EPB41L3: variants seen among roughly 807,000 people sequenced by gnomAD.
EPB41L3 encodes erythrocyte membrane protein band 4.1 like 3.
In EPB41L3, 57 loss-of-function variants were observed where a neutral mutation model predicts 127.1. The observed-to-expected ratio is 0.45, with a 90% CI of 0.36 to 0.56. EPB41L3 has a LOEUF of 0.56. EPB41L3 is among the 20% of genes least tolerant of loss of function. EPB41L3 has a pLI of 0.00. For synonymous variants in EPB41L3, 572 were observed against 549.5 expected, an observed-to-expected ratio of 1.04 and a Z score of -0.57; for missense variants, 1,273 against 1,372.2, an observed-to-expected ratio of 0.93 and a Z score of 1.14.
At chr18:5,447,318 T>G (rs1049908442) in intron 3 of EPB41L3, among the ~76,000 whole-genome samples, 2 of 152,122 alleles carry the variant, frequency 1.3e-5, no homozygotes, top group African/African-American at 4.8e-5. Flanking sequence ...TAGAGCAGAT[T>G]ATTATGCGTG....
At chr18:5,570,308 A>T (rs952657923) in intron 3 of EPB41L3, 1 of 152,146 alleles carries the variant, frequency 6.6e-6, no homozygotes. Context: ...GCTGTAACAC[A>T]AGGGCTTTAT....
rs1598438253 is a variant in EPB41L3 at position 5,399,061 on chromosome 18, T to G, written c.2350-918A>C. 3 of 399,004 alleles carry G rather than the reference T, an allele frequency of 7.5e-6. No individual in the cohort carries two copies. The East Asian group carries it at 1.1e-4, about 14-fold the overall frequency. The allele number at this position is 399,004 out of a possible 1,614,324, so 24.7% of individuals were successfully genotyped here. On this transcript the variant is annotated intron_variant, in intron 16 of 22. Coordinates refer to ENST00000341928, the MANE Select transcript of EPB41L3 (RefSeq NM_012307.5). Reference sequence around the variant, plus strand: ...ATGGACTCTGGTATTTCTTTCTCCATTTTCTGAAGTGCTTCTGTAGTGGAG... The same window carrying G: ...ATGGACTCTGGTATTTCTTTCTCCAGTTTCTGAAGTGCTTCTGTAGTGGAG...
upstream of EPB41L3, chr18:5,630,480 G>A (rs372878511): frequency 6.0e-5 from 31 of 518,758 alleles, no homozygotes; most frequent in Non-Finnish European, 1.0e-4. Flanking sequence ...GCAGAGAGAG[G>A]TAGGGCTGCT....
upstream of EPB41L3, among the ~76,000 whole-genome samples, chr18:5,545,678 T>A (rs952547073): frequency 4.7e-4 from 71 of 152,074 alleles, no homozygotes; most frequent in Admixed American, 9.8e-4. Flanking sequence ...AAATACCAGG[T>A]TGGTGTTCGG....
chr18:5,473,615 A>G (rs1396469419), intron 3 of EPB41L3, among the ~76,000 whole-genome samples: 1 of 152,014 alleles, frequency 6.6e-6, no homozygotes, highest in African/African-American at 2.4e-5. Flanking sequence ...TCTGCCAAAC[A>G]TGGAAGCAGC....
At chr18:5,528,446 G>A (rs1159130078) in intron 1 of EPB41L3, among the ~76,000 whole-genome samples, 2 of 152,128 alleles carry the variant, frequency 1.3e-5, no homozygotes, top group Non-Finnish European at 2.9e-5. Flanking sequence ...AAAGTGCTGG[G>A]ATTACAGACC....
At chr18:5,579,631 C>A (rs1056400576) in intron 3 of EPB41L3, among the ~76,000 whole-genome samples, 6 of 152,192 alleles carry the variant, frequency 3.9e-5, no homozygotes, top group Non-Finnish European at 5.9e-5. Flanking sequence ...CAAAGCCATA[C>A]AAGTTACTCC....
At chr18:5,505,651 A>C (rs957768404) in intron 1 of EPB41L3, among the ~76,000 whole-genome samples, 1,687 of 16,632 alleles carry the variant, frequency 0.1, no homozygotes, top group Non-Finnish European at 0.11. Flanking sequence ...CACCCCTACC[A>C]TCCACACCTT....
At chr18:5,498,594 CAAA>C (rs397828412) in intron 1 of EPB41L3, among the ~76,000 whole-genome samples, 2 of 70,498 alleles carry the variant, frequency 2.8e-5, no homozygotes, top group African/African-American at 1.2e-4. Flanking sequence ...GACTCCATCT[CAAA>C]AAAAAAAAAA....
At chr18:5,407,263 A>C in intron 15 of EPB41L3, 1 of 415,208 alleles carries the variant, frequency 2.4e-6, no homozygotes, top group Non-Finnish European at 4.3e-6. Context: ...ATAAATATAC[A>C]CACAGGAAAA....
chr18:5,517,404 C>T (rs1343430769), intron 1 of EPB41L3, among the ~76,000 whole-genome samples: 1 of 152,006 alleles, frequency 6.6e-6, no homozygotes, highest in African/African-American at 2.4e-5. Context: ...TATACAACCC[C>T]TCCCCTTAAA....
intron 1 of EPB41L3, among the ~76,000 whole-genome samples, chr18:5,524,301 C>A (rs1388084133): frequency 1.3e-5 from 2 of 152,122 alleles, no homozygotes; most frequent in East Asian, 1.9e-4. Context: ...TTAACCAAGT[C>A]TCCCGCCGCA....
intron 13 of EPB41L3, among the ~76,000 whole-genome samples, chr18:5,414,864 C>T (rs568068218): frequency 6.6e-6 from 1 of 152,304 alleles, no homozygotes; most frequent in African/African-American, 2.4e-5. Flanking sequence ...TGTCAGCTCG[C>T]CCAATTGCTC....
intron 18 of EPB41L3, among the ~76,000 whole-genome samples, chr18:5,396,620 A>T (rs1278049539): frequency 6.6e-6 from 1 of 152,108 alleles, no homozygotes; most frequent in Non-Finnish European, 1.5e-5. Flanking sequence ...TGAGACATTA[A>T]CTCCCCAAAT....
chr18:5,542,109 C>T (rs1209441845), intron 1 of EPB41L3, among the ~76,000 whole-genome samples: 1 of 152,198 alleles, frequency 6.6e-6, no homozygotes, highest in African/African-American at 2.4e-5. Context: ...GTTACTCCAA[C>T]TAAAGTTTTT....
At chr18:5,536,650 A>C (rs1245750091) in intron 1 of EPB41L3, among the ~76,000 whole-genome samples, 7 of 123,508 alleles carry the variant, frequency 5.7e-5, no homozygotes, top group Non-Finnish European at 9.4e-5. Flanking sequence ...CTAAAAATTC[A>C]AAAAAAAAAA....
rs2073138046 is a variant in EPB41L3, at chr18:5,395,100, G to A, written c.3120C>T (p.Val1040=). The A allele has an allele frequency of 1.2e-6, 2 of 1,614,000 alleles. No individual in the cohort carries two copies. The highest frequency in any genetic ancestry group is 1.7e-6 in the Non-Finnish European group (2 of 1,180,026). ...GGTCAATGTCTGCATCCCCCGTGAT[G>A]ACTATTCGCTTCTCAATTCTTGTCT... The part of the protein sequence containing the change: ...ISETRIEKRI[V]ITGDADIDHD... Residue 1040 remains valine, a synonymous_variant, in exon 21 of 23, where the codon GTC becomes GTT. Transcript: ENST00000341928.
intron 1 of EPB41L3, among the ~76,000 whole-genome samples, chr18:5,501,998 C>T (rs986896092): frequency 1.3e-5 from 2 of 152,116 alleles, no homozygotes; most frequent in Admixed American, 6.5e-5. Flanking sequence ...GTTATGAAAG[C>T]GTTAAGAGAC....
chr18:5,445,259 A>G lies in EPB41L3; in HGVS notation c.382-15T>C, dbSNP rs1599021948. The G allele has an allele frequency of 1.3e-6, 2 of 1,595,374 alleles. No individual in the cohort carries two copies. Among genetic ancestry groups the G allele is most frequent in the Non-Finnish European group, 1.7e-6 (2 of 1,163,838 alleles). On this transcript the variant is annotated splice_polypyrimidine_tract_variant and intron_variant, in intron 3 of 22. Coordinates refer to ENST00000341928, the MANE Select transcript of EPB41L3 (RefSeq NM_012307.5). ...CTGGAGCGTTTCTACAGAAAACAGA[A>G]TAGCAAAGCAAGTCAATACAACACA...
Sources: allele counts gnomAD v4.1 joint callset (sites outside exome capture counted in the v4.1 genomes callset), GRCh38; gene constraint gnomAD v4.1.1; transcripts MANE v1.5; gene names NCBI Gene and HGNC (gene_info 2026-07-23, HGNC 2026-07-21).